Variants in POLR1C observed in about 807,000 individuals in gnomAD.
The protein encoded by POLR1C is RNA polymerase I and III subunit C, also known as DNA-directed RNA polymerases I and III subunit RPAC1.
Under a neutral mutation model 38.3 loss-of-function variants are expected in POLR1C, and 42 were observed. The ratio of observed to expected loss-of-function variants is 1.10; its 90% confidence interval spans 0.86 to 1.42. POLR1C has a LOEUF of 1.42. Ranked by LOEUF, POLR1C falls within the 40% of genes most tolerant of loss-of-function variation. The probability of loss-of-function intolerance (pLI) is 0.00; values close to 1 mark genes in which losing one functional copy is unlikely to be tolerated. For synonymous variants in POLR1C, 163 were observed against 163.9 expected (o/e 0.99, Z 0.04); for missense variants, 507 against 450.5 (o/e 1.13, Z -1.14).
At chr6:43,545,948 CT>C (rs916892251) in intron 9 of POLR1C, among the ~76,000 whole-genome samples, 1 of 151,948 alleles carries the variant, frequency 6.6e-6, no homozygotes, top group African/African-American at 2.4e-5. Flanking sequence ...CACTGGGCAT[CT>C]AGTTAAAATG....
At position 43,535,848 on chromosome 6, in the gene POLR1C, C is replaced by T. The variant is rs111500883; in HGVS notation, c.*4+6489C>T. ...AAAAAAAAAGTCATTCTAGGCCGGGCGCAGTGGCTCACGCCTGTAATCCCA... is the reference window on the plus strand; with the variant it reads ...AAAAAAAAAGTCATTCTAGGCCGGGTGCAGTGGCTCACGCCTGTAATCCCA... On this transcript the variant is annotated intron_variant, in intron 9 of 10. Transcript: ENST00000607635. 4.7e-3 allele frequency among the ~76,000 whole-genome samples: 693 copies of T among 148,894 alleles called. 8 individuals carry two copies. Among genetic ancestry groups the T allele is most frequent in the African/African-American group, 0.016 (635 of 39,960 alleles).
At chr6:43,560,840 G>C in intron 10 of POLR1C, 1 of 1,125,188 alleles carries the variant, frequency 8.9e-7, no homozygotes, top group Non-Finnish European at 1.4e-6. Flanking sequence ...TTTTATACAT[G>C]ATCTACAATA....
intron 10 of POLR1C, among the ~76,000 whole-genome samples, chr6:43,557,529 A>G (rs544872681): frequency 1.3e-5 from 2 of 152,186 alleles, no homozygotes; most frequent in Admixed American, 6.5e-5. Flanking sequence ...GTATGATTCA[A>G]TTTATATGAA....
chr6:43,527,659 T>C (rs1793684997), intron 8 of POLR1C: 1 of 1,614,032 alleles, frequency 6.2e-7, no homozygotes. Flanking sequence ...CTTCTCGGGT[T>C]AACATCCTCA....
intron 8 of POLR1C, 25 bp downstream of exon 8, chr6:43,521,073 T>C (rs776205610): frequency 5.1e-6 from 8 of 1,577,710 alleles, no homozygotes; most frequent in African/African-American, 2.7e-5. Context: ...GTGAGATGAG[T>C]GGGCAGTGCT....
chr6:43,533,261 C>T (rs1238925535), downstream of POLR1C: 1 of 146,224 alleles, frequency 6.8e-6, no homozygotes, highest in Non-Finnish European at 1.5e-5. Context: ...CACACACACA[C>T]ACGAGGAGGC....
chr6:43,531,374 T>G (rs924184857), downstream of POLR1C: 1 of 1,006,366 alleles, frequency 9.9e-7, no homozygotes, highest in Non-Finnish European at 1.5e-6. Context: ...TATCAAACTC[T>G]TGCCTCGCCT....
chr6:43,556,266 G>A (rs1403030243), intron 10 of POLR1C, among the ~76,000 whole-genome samples: 2 of 152,146 alleles, frequency 1.3e-5, no homozygotes, highest in African/African-American at 4.8e-5. Flanking sequence ...GCTCACGCCT[G>A]AAATCCTAGC....
downstream of POLR1C, chr6:43,522,745 GTTTTT>G (rs780756751): frequency 4.0e-6 from 2 of 495,858 alleles, no homozygotes; most frequent in South Asian, 3.0e-5. Flanking sequence ...CAACAGGTCT[GTTTTT>G]GTGCAGAGCA....
At chr6:43,548,617 G>T in intron 9 of POLR1C, 1 of 605,228 alleles carries the variant, frequency 1.7e-6, no homozygotes, top group Non-Finnish European at 2.5e-6. Context: ...TCTTTATTTT[G>T]CCTAAATAAG....
At position 43,521,026 on chromosome 6, in the gene POLR1C, C is replaced by T; in HGVS notation, c.900C>T (p.Ala300=). ...AGCTAAAGAAGGTTGTGAGGCTTGCCCGGGTTCGAGATCATTATATCTGTG... is the reference window on the plus strand; with the variant it reads ...AGCTAAAGAAGGTTGTGAGGCTTGCTCGGGTTCGAGATCATTATATCTGTG... The part of the protein sequence containing the change: ...NEKLKKVVRL[A]RVRDHYIFSV... The change falls in exon 8 of 9, where the codon GCC becomes GCT. Residue 300 remains alanine, a synonymous_variant. Coordinates refer to ENST00000642195, the MANE Select transcript of POLR1C (RefSeq NM_203290.4). 1 of 1,614,036 alleles carries T rather than the reference C, an allele frequency of 6.2e-7. No homozygotes were observed. Among genetic ancestry groups the T allele is most frequent in the Non-Finnish European group, 8.5e-7 (1 of 1,179,942 alleles).
At chr6:43,542,990 GCATATT>G (rs1794780315) in intron 9 of POLR1C, among the ~76,000 whole-genome samples, 1 of 152,038 alleles carries the variant, frequency 6.6e-6, no homozygotes, top group Admixed American at 6.6e-5. Flanking sequence ...AATAGTTACA[GCATATT>G]CACACAATGA....
At chr6:43,523,922 C>T (rs1329202704), downstream of POLR1C, 7 of 1,614,066 alleles carry the variant, frequency 4.3e-6, no homozygotes. Context: ...GCACCTCCGT[C>T]TCCAGCATTG....
chr6:43,539,692 G>A (rs1428887285), intron 9 of POLR1C: 15 of 779,012 alleles, frequency 1.9e-5, no homozygotes, highest in South Asian at 1.9e-4. Context: ...CTGCACCGGC[G>A]TCATCCGCCA....
intron 2 of POLR1C, among the ~76,000 whole-genome samples, chr6:43,518,329 G>C (rs1792952132): frequency 6.6e-6 from 1 of 152,200 alleles, no homozygotes; most frequent in Non-Finnish European, 1.5e-5. Context: ...CTTTGGTAAA[G>C]GCTGTGGGGG....
chr6:43,539,632 GC>G, intron 9 of POLR1C: 1 of 1,339,210 alleles, frequency 7.5e-7, no homozygotes, highest in Non-Finnish European at 1.0e-6. Context: ...CTCTGCGGAA[GC>G]CACCGCGGTT....
At chr6:43,526,467 G>T (rs1793596848), downstream of POLR1C, 3 of 580,254 alleles carry the variant, frequency 5.2e-6, no homozygotes, top group South Asian at 6.1e-5. Context: ...TCACATATAT[G>T]GTTGGGAGGA....
At chr6:43,561,469 C>T in exon 11 of POLR1C, 2 of 155,478 alleles carry the variant, frequency 1.3e-5, no homozygotes, top group Non-Finnish European at 2.8e-5. Context: ...ACCTCTACCT[C>T]CAGGGTTCAA....
At chr6:43,547,175 G>A (rs1425739702) in intron 9 of POLR1C, 1 of 346,062 alleles carries the variant, frequency 2.9e-6, no homozygotes, top group East Asian at 7.7e-5. Context: ...TACTTGCCAG[G>A]TTAATTAATG....
Sources: gnomAD v4.1 joint callset for allele counts (sites outside exome capture counted in the v4.1 genomes callset) on GRCh38, gnomAD v4.1.1 for gene constraint, MANE v1.5 for transcripts, NCBI Gene and HGNC (gene_info 2026-07-23, HGNC 2026-07-21) for gene names.